TENM2: variants seen among roughly 807,000 people sequenced by gnomAD.
TENM2 encodes teneurin transmembrane protein 2, also known as teneurin-2.
TENM2 carries 52 observed loss-of-function variants against 245.2 expected under a neutral mutation model. The observed-to-expected ratio is 0.21, with a 90% CI of 0.17 to 0.27. The LOEUF is 0.27. TENM2 is among the 10% of genes least tolerant of loss of function. TENM2 has a pLI of 1.00. For missense variants in TENM2, 3,046 were observed against 3,666.8 expected (o/e 0.83, Z 4.37); for synonymous variants, 1,363 against 1,438.9 (o/e 0.95, Z 1.19).
chr5:167,494,652 A>G (rs1768678747), intron 2 of TENM2, among the ~76,000 whole-genome samples: 1 of 152,132 alleles, frequency 6.6e-6, no homozygotes, highest in Non-Finnish European at 1.5e-5. Flanking sequence ...CACCACATGA[A>G]AAGGACTATA....
chr5:167,530,670 T>TC (rs1164379120), intron 2 of TENM2, among the ~76,000 whole-genome samples: 1 of 152,050 alleles, frequency 6.6e-6, no homozygotes, highest in African/African-American at 2.4e-5. Flanking sequence ...TGCTCAAGAG[T>TC]CCCAGTCAGG....
At chr5:168,177,382 A>G (rs1412545454) in intron 13 of TENM2, among the ~76,000 whole-genome samples, 5 of 152,206 alleles carry the variant, frequency 3.3e-5, no homozygotes, top group Non-Finnish European at 7.3e-5. Context: ...TTTACAGATG[A>G]AGGAACCAAG....
intron 13 of TENM2, among the ~76,000 whole-genome samples, chr5:168,173,992 G>A (rs1046698338): frequency 2.0e-5 from 3 of 152,202 alleles, no homozygotes; most frequent in African/African-American, 7.2e-5. Flanking sequence ...TTGCAGCCTA[G>A]TCCACATGGA....
chr5:167,582,576 A>T (rs1358454304), intron 2 of TENM2, among the ~76,000 whole-genome samples: 1 of 152,226 alleles, frequency 6.6e-6, no homozygotes, highest in African/African-American at 2.4e-5. Context: ...AACTGAAATC[A>T]TTAATCAGTG....
the TENM2 span, among the ~76,000 whole-genome samples, chr5:167,057,438 C>T: frequency 6.6e-6 from 1 of 152,084 alleles, no homozygotes; most frequent in Non-Finnish European, 1.5e-5. Flanking sequence ...TGGGTAAAAA[C>T]ACCTGTGGTA....
In TENM2 at chr5:167,518,595, A is replaced by C. The variant is rs191262859; in HGVS notation, c.502+143122A>C. Among the ~76,000 whole-genome samples, 32 of 152,288 alleles carry C rather than the reference A, an allele frequency of 2.1e-4. 1 individual carries two copies. The East Asian group carries it at 6.0e-3, about 28-fold the overall frequency. Reference sequence around the variant, plus strand: ...CTGGAGTAGCTAACATCTGATGATCATGTGACTGTTCATACACTCTTCTCA... The same window carrying C: ...CTGGAGTAGCTAACATCTGATGATCCTGTGACTGTTCATACACTCTTCTCA... On this transcript the variant is annotated intron_variant, in intron 2 of 28. Transcript: ENST00000518659.
At chr5:167,957,391 G>T (rs903139567) in intron 4 of TENM2, among the ~76,000 whole-genome samples, 30 of 152,096 alleles carry the variant, frequency 2.0e-4, no homozygotes, top group African/African-American at 7.2e-4. Context: ...CTGGCCGGCA[G>T]TCTATCTATT....
chr5:167,659,769 T>C (rs748913756), intron 2 of TENM2, among the ~76,000 whole-genome samples: 1 of 152,136 alleles, frequency 6.6e-6, no homozygotes, highest in South Asian at 2.1e-4. Context: ...TTGTACCTTC[T>C]AGTTACTGAC....
intron 1 of TENM2, among the ~76,000 whole-genome samples, chr5:167,344,309 C>CACATATATATAT (rs1554136979): frequency 5.9e-5 from 5 of 84,504 alleles, no homozygotes; most frequent in Admixed American, 1.4e-4. Context: ...CACACACACA[C>CACATATATATAT]ATATATATAT....
chr5:167,662,389 C>G (rs1235281372), intron 2 of TENM2, among the ~76,000 whole-genome samples: 1 of 152,090 alleles, frequency 6.6e-6, no homozygotes, highest in Non-Finnish European at 1.5e-5. Flanking sequence ...GATAACACCC[C>G]GTTTTACTCT....
chr5:167,418,595 T>A (rs772428568), intron 2 of TENM2, among the ~76,000 whole-genome samples: 1 of 152,164 alleles, frequency 6.6e-6, no homozygotes. Flanking sequence ...GAACAGGACA[T>A]GAACAATAAA....
chr5:167,078,196 A>G, the TENM2 span, among the ~76,000 whole-genome samples: 1 of 152,220 alleles, frequency 6.6e-6, no homozygotes, highest in South Asian at 2.1e-4. Flanking sequence ...AAAAGTGGGA[A>G]TGTTGGGCCG....
chr5:167,364,000 G>A lies in TENM2; in HGVS notation c.227-11198G>A, dbSNP rs538667144. On this transcript the variant is annotated intron_variant, in intron 1 of 28. Coordinates refer to ENST00000518659, the Ensembl canonical transcript of TENM2. ...GAATATGAGTTCAAGCACAATTAAA[G>A]AAATAATAAGAGTAATCATAAGAAA... is the stretch of plus-strand genomic sequence containing the variant. Among the ~76,000 whole-genome samples, 5 of 151,950 alleles carry A rather than the reference G, an allele frequency of 3.3e-5. No homozygotes were observed. In the South Asian group the frequency reaches 1.0e-3, roughly 32 times the overall value.
intron 2 of TENM2, among the ~76,000 whole-genome samples, chr5:167,598,835 A>C (rs1003371364): frequency 3.3e-5 from 5 of 152,176 alleles, no homozygotes; most frequent in African/African-American, 7.2e-5. Context: ...GATTCTCTTA[A>C]ACTGGAAATT....
the TENM2 span, among the ~76,000 whole-genome samples, chr5:167,116,098 TC>T: frequency 2.0e-5 from 3 of 152,182 alleles, no homozygotes; most frequent in Admixed American, 6.5e-5. Context: ...TAGTTCAAAT[TC>T]TTTGAGAAGC....
chr5:167,070,284 A>ATTTTTTTTTT, the TENM2 span, among the ~76,000 whole-genome samples: 1,686 of 99,150 alleles, frequency 0.017, 50 homozygotes, highest in South Asian at 0.029. Context: ...CGCCCGGCTA[A>ATTTTTTTTTT]TTTTTTTTTT....
At chr5:167,383,397 C>T (rs780763921) in intron 2 of TENM2, among the ~76,000 whole-genome samples, 13 of 152,068 alleles carry the variant, frequency 8.5e-5, no homozygotes, top group Non-Finnish European at 1.9e-4. Flanking sequence ...GATGCTGTCT[C>T]ACCCATGTAA....
At chr5:167,729,227 G>A (rs551336613) in intron 2 of TENM2, 2 of 152,268 alleles carry the variant, frequency 1.3e-5, no homozygotes, top group East Asian at 1.9e-4. Context: ...TAACGTGGAA[G>A]CATATTGACT....
At chr5:168,175,727 G>T (rs2152479711) in intron 13 of TENM2, among the ~76,000 whole-genome samples, 2 of 152,206 alleles carry the variant, frequency 1.3e-5, no homozygotes, top group East Asian at 3.9e-4. Flanking sequence ...AGGTGTCTGG[G>T]GTTATGCTGG....
Sources: allele counts gnomAD v4.1 joint callset (sites outside exome capture counted in the v4.1 genomes callset), GRCh38; gene constraint gnomAD v4.1.1; transcripts MANE v1.5; gene names NCBI Gene and HGNC (gene_info 2026-07-23, HGNC 2026-07-21).